Variants in ATF7 observed in about 807,000 individuals in gnomAD.
ATF7 encodes activating transcription factor 7.
A neutral mutation model predicts 50.4 loss-of-function variants in ATF7; 10 were observed. The observed-to-expected ratio is 0.20, with a 90% confidence interval of 0.12 to 0.34. The LOEUF is 0.34. ATF7 is among the 10% of genes least tolerant of loss of function. The pLI, the probability that ATF7 is intolerant of heterozygous loss-of-function variation, is 1.00. For missense variants in ATF7, 465 were observed against 613.9 expected, an observed-to-expected ratio of 0.76 and a Z score of 2.56; for synonymous variants, 201 against 226.4, an observed-to-expected ratio of 0.89 and a Z score of 1.01.
At position 53,524,221 on chromosome 12, in the gene ATF7, G is replaced by A. The variant is rs775593852; in HGVS notation, c.1125+343C>T. ...CTTTTTTCTTTCTCTCTTTTATTAA[G>A]CTGCATTATCTAGGGCAAACACATT... On this transcript the variant is annotated intron_variant, in intron 10 of 11. Coordinates refer to ENST00000420353, the MANE Select transcript of ATF7 (RefSeq NM_006856.3). This position sits in a 1 kb window ranked among gnomAD's most constrained non-coding sequence, Gnocchi z 4.6. Among the ~76,000 whole-genome samples, 10 of 151,992 alleles carry A rather than the reference G, an allele frequency of 6.6e-5. No homozygotes were observed. Among genetic ancestry groups the A allele is most frequent in the Non-Finnish European group, 1.2e-4 (8 of 67,994 alleles).
chr12:53,601,068 GCAA>G, intron 1 of ATF7, 47 bp from the exon 2 acceptor site: 1 of 1,178,340 alleles, frequency 8.5e-7, no homozygotes, highest in South Asian at 1.5e-5. Flanking sequence ...ATATGCTGGA[GCAA>G]AAAAAAAAAA....
Position 53,534,647 on chromosome 12 carries a change from T to C in ATF7, c.415A>G (p.Lys139Glu). The change falls in exon 6 of 12, where the codon AAG becomes GAG. Residue 139 changes from lysine to glutamate, a missense_variant. Coordinates refer to ENST00000420353, the MANE Select transcript of ATF7 (RefSeq NM_006856.3). ...PPLKEKEVTP[K>E]PVLISTPTPT... The stretch of plus-strand genomic sequence containing the variant: ...GTGGGGGTAGAGATCAGAACAGGCT[T>C]TGGGGTAACCTCCTGGAGAAAAGAA... 6.2e-7 allele frequency: 1 copy of C among 1,611,456 alleles called. No homozygotes were observed. Among genetic ancestry groups the C allele is most frequent in the East Asian group, 2.2e-5 (1 of 44,846 alleles).
chr12:53,596,496 T>C (rs944946640), intron 2 of ATF7, among the ~76,000 whole-genome samples: 2 of 152,208 alleles, frequency 1.3e-5, no homozygotes, highest in Non-Finnish European at 2.9e-5. Context: ...TTGATTATGG[T>C]AACCAGAAAG....
Position 53,600,941 on chromosome 12 carries a change from T to C in ATF7, c.48+12A>G, listed in dbSNP as rs376311941. On this transcript the variant is annotated intron_variant, in intron 2 of 11. Transcript: ENST00000420353. Reference sequence around the variant, plus strand: ...AACGAGACATTCACAATAAAGTATATTGTAAACGTACCTGTCCACAGCCCG... The same window carrying C: ...AACGAGACATTCACAATAAAGTATACTGTAAACGTACCTGTCCACAGCCCG... 10 of 1,612,420 alleles carry C rather than the reference T, an allele frequency of 6.2e-6. No homozygotes were observed. The highest frequency in any genetic ancestry group is 8.5e-6 in the Non-Finnish European group (10 of 1,179,248).
chr12:53,550,677 G>T (rs145655395), intron 3 of ATF7, among the ~76,000 whole-genome samples: 29 of 152,340 alleles, frequency 1.9e-4, no homozygotes, highest in African/African-American at 6.5e-4. Flanking sequence ...GTTAAGTTCA[G>T]TCATTGACAT....
chr12:53,622,611 ACT>A (rs1944434798), intron 1 of ATF7, among the ~76,000 whole-genome samples: 1 of 149,624 alleles, frequency 6.7e-6, no homozygotes, highest in African/African-American at 2.5e-5. Flanking sequence ...AAAGCGCGAG[ACT>A]CTGCACTCCA....
chr12:53,611,800 G>A (rs1943890424), intron 1 of ATF7, among the ~76,000 whole-genome samples: 1 of 151,890 alleles, frequency 6.6e-6, no homozygotes, highest in African/African-American at 2.4e-5. Flanking sequence ...CACTGTGTTG[G>A]CCAGGCTGGT....
At chr12:53,555,517 T>C (rs1293424383) in intron 2 of ATF7, among the ~76,000 whole-genome samples, 1 of 77,604 alleles carries the variant, frequency 1.3e-5, no homozygotes, top group Non-Finnish European at 2.8e-5. Context: ...TTTTTTTTTT[T>C]TGTGAGACGG....
intron 2 of ATF7, among the ~76,000 whole-genome samples, chr12:53,565,503 G>A (rs1380196219): frequency 7.3e-6 from 1 of 137,722 alleles, no homozygotes; most frequent in Non-Finnish European, 1.6e-5. Flanking sequence ...CGGGGGGGAG[G>A]GGGGCAGGGG....
At chr12:53,545,080 T>C (rs1368737256) in intron 3 of ATF7, among the ~76,000 whole-genome samples, 2 of 152,116 alleles carry the variant, frequency 1.3e-5, no homozygotes, top group Non-Finnish European at 2.9e-5. Context: ...GCTAAGGGCA[T>C]GGCTATGGCA....
intron 2 of ATF7, among the ~76,000 whole-genome samples, chr12:53,587,843 A>ATATATTT: frequency 4.2e-4 from 26 of 61,562 alleles, no homozygotes; most frequent in South Asian, 7.4e-4. Flanking sequence ...ATATATATAT[A>ATATATTT]TTTTTTTTTT....
chr12:53,564,354 C>T (rs1042969987), intron 2 of ATF7, among the ~76,000 whole-genome samples: 5 of 152,142 alleles, frequency 3.3e-5, no homozygotes, highest in African/African-American at 7.2e-5. Context: ...CCAGCCTGGG[C>T]GACAGAGCAA....
chr12:53,553,748 T>C (rs1940531798), intron 2 of ATF7, among the ~76,000 whole-genome samples: 1 of 152,238 alleles, frequency 6.6e-6, no homozygotes, highest in Non-Finnish European at 1.5e-5. Context: ...GTTCCGTTTG[T>C]CTTTTTGCTT....
At chr12:53,523,759 T>G (rs1278019908) in intron 10 of ATF7, among the ~76,000 whole-genome samples, 3 of 152,134 alleles carry the variant, frequency 2.0e-5, no homozygotes, top group African/African-American at 7.2e-5. Context: ...AGCAAAAAAT[T>G]AGAGCAGTAT....
Position 53,517,078 on chromosome 12 carries a change from T to A in ATF7, c.*59A>T, listed in dbSNP as rs1184275938. 24 of 1,564,796 alleles carry A rather than the reference T, an allele frequency of 1.5e-5. No individual in the cohort carries two copies. The highest frequency in any genetic ancestry group is 2.2e-5 in the South Asian group (2 of 90,148). On this transcript the variant is annotated 3_prime_UTR_variant, in exon 12 of 12. Coordinates refer to ENST00000420353, the MANE Select transcript of ATF7 (RefSeq NM_006856.3). ...GCAGATGGGAGGGGATAAGATGACA[T>A]CTCTCTTGGCTCTTGGGCGGGCGAG...
At chr12:53,582,740 G>A (rs1027087196) in intron 2 of ATF7, among the ~76,000 whole-genome samples, 3 of 152,006 alleles carry the variant, frequency 2.0e-5, no homozygotes, top group African/African-American at 4.8e-5. Context: ...CACCACGCCC[G>A]GCTAATTTTT....
At chr12:53,602,975 A>G (rs1943462619) in intron 1 of ATF7, among the ~76,000 whole-genome samples, 1 of 152,208 alleles carries the variant, frequency 6.6e-6, no homozygotes, top group South Asian at 2.1e-4. Context: ...GCTAGAGAAA[A>G]TTTCACTACA....
chr12:53,524,759 G>A lies in ATF7; in HGVS notation c.930C>T (p.Val310=). ...TACTAGGGGTGGGCTGAGCTGGTGA[G>A]ACCTGGTGCCCAGGAAGGAAGAGAG... ...PDAPSPAQPQ[V]SPAQPTPSTG... The change falls in exon 10 of 12, where the codon GTC becomes GTT. Residue 310 remains valine (V), a splice_region_variant and synonymous_variant. Transcript: ENST00000420353. The surrounding 1 kb of genome is among the most constrained non-coding windows in gnomAD (Gnocchi z 4.6). 2 of 1,596,246 alleles carry A rather than the reference G, an allele frequency of 1.3e-6. No homozygotes were observed. The highest frequency in any genetic ancestry group is 2.2e-5 in the South Asian group (2 of 89,866).
chr12:53,606,091 A>G (rs1225124096), intron 1 of ATF7, among the ~76,000 whole-genome samples: 1 of 152,168 alleles, frequency 6.6e-6, no homozygotes, highest in African/African-American at 2.4e-5. Flanking sequence ...GAAGCTCTGT[A>G]GTTTTTGGTT....
Sources: allele counts gnomAD v4.1 joint callset (sites outside exome capture counted in the v4.1 genomes callset), GRCh38; gene constraint gnomAD v4.1.1; non-coding constraint Gnocchi (gnomAD v3.1); transcripts MANE v1.5; gene names NCBI Gene and HGNC (gene_info 2026-07-23, HGNC 2026-07-21).